The following NR3C2 variants were observed in gnomAD, a reference collection of about 807,000 sequenced individuals.
NR3C2 encodes nuclear receptor subfamily 3 group C member 2.
A neutral mutation model predicts 86.4 loss-of-function variants in NR3C2; 15 were observed. The ratio of observed to expected loss-of-function variants is 0.17; its 90% CI spans 0.12 to 0.27. The LOEUF (loss-of-function observed/expected upper bound fraction) is 0.27. NR3C2 is among the 10% of genes least tolerant of loss of function. NR3C2 has a pLI of 1.00. For missense variants in NR3C2, 960 were observed against 1,195.6 expected, an observed-to-expected ratio of 0.80 and a Z score of 2.91; for synonymous variants, 458 against 450.5, an observed-to-expected ratio of 1.02 and a Z score of -0.21.
intron 2 of NR3C2, among the ~76,000 whole-genome samples, chr4:148,320,513 T>G (rs1248736449): frequency 7.2e-6 from 1 of 139,058 alleles, no homozygotes; most frequent in Non-Finnish European, 1.5e-5. Flanking sequence ...TCCTGGACTC[T>G]TTTTGGTTGG....
chr4:148,347,632 T>C (rs559529173), intron 2 of NR3C2, among the ~76,000 whole-genome samples: 1 of 152,252 alleles, frequency 6.6e-6, no homozygotes, highest in South Asian at 2.1e-4. Flanking sequence ...TGCACACTGT[T>C]TCCCTACTAA....
chr4:148,442,472 G>A (rs1365120771), upstream of NR3C2: 3 of 196,914 alleles, frequency 1.5e-5, no homozygotes, highest in South Asian at 3.5e-4. Flanking sequence ...GAGAGAGGGC[G>A]GGCGAAAGCC....
chr4:148,366,769 AC>A (rs1554013095), intron 2 of NR3C2, among the ~76,000 whole-genome samples: 3 of 151,846 alleles, frequency 2.0e-5, no homozygotes, highest in Non-Finnish European at 4.4e-5. Context: ...AGCTAAAATT[AC>A]CCCCCCAAAA....
intron 2 of NR3C2, among the ~76,000 whole-genome samples, chr4:148,279,201 C>G (rs749180379): frequency 2.0e-5 from 3 of 151,968 alleles, no homozygotes; most frequent in Non-Finnish European, 4.4e-5. Context: ...TGAAACTAGT[C>G]TTGAATTTTG....
rs556090664 is a variant in NR3C2, at chr4:148,421,466, T to C, written c.1757+13638A>G. ...CAAGGCCCAGGGAAGGGCACTCCCC[T>C]TTTAAAGACGAGTAACTGAAATATC... On this transcript the variant is annotated intron_variant, in intron 2 of 8. Coordinates refer to ENST00000358102, the MANE Select transcript of NR3C2 (RefSeq NM_000901.5). 3.3e-5 allele frequency among the ~76,000 whole-genome samples: 5 copies of C among 152,348 alleles called. No individual in the cohort carries two copies. In the East Asian group the frequency reaches 9.6e-4, roughly 29 times the overall value.
upstream of NR3C2, chr4:148,442,855 G>A: frequency 1.0e-6 from 1 of 985,386 alleles, no homozygotes; most frequent in Non-Finnish European, 1.2e-6. Flanking sequence ...CCTTCTGACC[G>A]ACCCCAGGAT....
At chr4:148,098,928 G>C (rs537645941) in intron 8 of NR3C2, among the ~76,000 whole-genome samples, 18 of 151,946 alleles carry the variant, frequency 1.2e-4, no homozygotes, top group Non-Finnish European at 2.5e-4. Flanking sequence ...TTTCCTTTTT[G>C]TATCAAATTA....
intron 3 of NR3C2, chr4:148,208,857 TAATAC>T (rs1039771708): frequency 1.1e-4 from 16 of 152,144 alleles, no homozygotes; most frequent in Non-Finnish European, 1.9e-4. Context: ...AATAATAAAA[TAATAC>T]AATAGAGAAA....
intron 2 of NR3C2, among the ~76,000 whole-genome samples, chr4:148,328,031 G>A (rs1431093045): frequency 6.7e-6 from 1 of 148,266 alleles, no homozygotes; most frequent in Non-Finnish European, 1.5e-5. Flanking sequence ...CATTTCCAGA[G>A]GCAACAGAGG....
intron 2 of NR3C2, among the ~76,000 whole-genome samples, chr4:148,265,350 A>C (rs1160462135): frequency 6.6e-6 from 1 of 152,164 alleles, no homozygotes; most frequent in Non-Finnish European, 1.5e-5. Flanking sequence ...TTTTGCCCAA[A>C]AGAATGGTGC....
intron 8 of NR3C2, among the ~76,000 whole-genome samples, chr4:148,086,021 G>A (rs576131414): frequency 5.6e-4 from 85 of 152,252 alleles, no homozygotes; most frequent in South Asian, 3.1e-3. Context: ...AGGACTGGAC[G>A]GATTCACAGC....
intron 2 of NR3C2, among the ~76,000 whole-genome samples, chr4:148,302,489 C>T (rs1436223157): frequency 6.6e-6 from 1 of 152,156 alleles, no homozygotes; most frequent in African/African-American, 2.4e-5. Flanking sequence ...GTATTCTTAA[C>T]TTATGGCAAC....
intron 8 of NR3C2, among the ~76,000 whole-genome samples, chr4:148,086,272 T>C (rs10026186): frequency 0.025 from 3,833 of 152,300 alleles, 163 homozygotes; most frequent in African/African-American, 0.088. Flanking sequence ...TTAAAAAGCT[T>C]ATCTACCACG....
At chr4:148,302,050 T>C (rs1742365175) in intron 2 of NR3C2, among the ~76,000 whole-genome samples, 1 of 152,226 alleles carries the variant, frequency 6.6e-6, no homozygotes, top group African/African-American at 2.4e-5. Flanking sequence ...CTTTGTCAAT[T>C]TCTGATTGTA....
chr4:148,430,798 G>A (rs1003275111), intron 2 of NR3C2, among the ~76,000 whole-genome samples: 2 of 151,850 alleles, frequency 1.3e-5, no homozygotes, highest in African/African-American at 2.4e-5. Flanking sequence ...CAAACTCCCC[G>A]AATTCTGATG....
chr4:148,260,626 A>G (rs1561005608), intron 2 of NR3C2, among the ~76,000 whole-genome samples: 1 of 152,194 alleles, frequency 6.6e-6, no homozygotes, highest in Non-Finnish European at 1.5e-5. Context: ...ACTGCCAGTA[A>G]TTTTATCCCT....
At chr4:148,317,161 T>A (rs1418462275) in intron 2 of NR3C2, among the ~76,000 whole-genome samples, 1 of 152,078 alleles carries the variant, frequency 6.6e-6, no homozygotes, top group African/African-American at 2.4e-5. Context: ...CTTAAGACAC[T>A]AGAAGTTCAA....
chr4:148,133,118 A>T (rs953966285), intron 6 of NR3C2, among the ~76,000 whole-genome samples: 3 of 151,802 alleles, frequency 2.0e-5, no homozygotes, highest in African/African-American at 7.2e-5. Context: ...ACCTGAGCCC[A>T]GGAAGCTGAG....
At chr4:148,417,040 G>A (rs1400521863) in intron 2 of NR3C2, among the ~76,000 whole-genome samples, 2 of 152,136 alleles carry the variant, frequency 1.3e-5, no homozygotes, top group African/African-American at 4.8e-5. Context: ...GCCTCGCAAA[G>A]TGCTGGGATT....
Sources: allele counts gnomAD v4.1 joint callset (sites outside exome capture counted in the v4.1 genomes callset), GRCh38; gene constraint gnomAD v4.1.1; transcripts MANE v1.5; gene names NCBI Gene and HGNC (gene_info 2026-07-23, HGNC 2026-07-21).